Variants in PGM5 observed in about 807,000 individuals in gnomAD.
PGM5 encodes the protein phosphoglucomutase 5.
In PGM5, 23 loss-of-function variants were observed where a neutral mutation model predicts 59.2. That is an observed-to-expected ratio of 0.39 (90% CI 0.28 to 0.55). The LOEUF is 0.55. Among genes scored for constraint, PGM5 ranks in the 20% least tolerant of loss-of-function variants. The pLI is 0.66. For missense variants in PGM5, 574 were observed against 748.3 expected, an observed-to-expected ratio of 0.77 and a Z score of 2.72; for synonymous variants, 214 against 286.0, an observed-to-expected ratio of 0.75 and a Z score of 2.54.
chr9:68,402,006 T>C (rs1822685182), intron 6 of PGM5, among the ~76,000 whole-genome samples: 1 of 152,072 alleles, frequency 6.6e-6, no homozygotes, highest in Admixed American at 6.6e-5. Context: ...CTCACGCCTG[T>C]AATCCCAGCA....
intron 6 of PGM5, among the ~76,000 whole-genome samples, chr9:68,460,964 C>G (rs782087131): frequency 6.6e-6 from 1 of 152,154 alleles, no homozygotes; most frequent in South Asian, 2.1e-4. Context: ...AGCTCCGCAG[C>G]AGGAAGGGTC....
chr9:68,494,897 G>T (rs1824457973), intron 9 of PGM5, among the ~76,000 whole-genome samples: 3 of 152,220 alleles, frequency 2.0e-5, no homozygotes, highest in Admixed American at 1.3e-4. Flanking sequence ...CATGTAGCCT[G>T]TGGATCCTTG....
chr9:68,510,379 C>T (rs1824730084), intron 10 of PGM5, among the ~76,000 whole-genome samples: 1 of 151,964 alleles, frequency 6.6e-6, no homozygotes, highest in African/African-American at 2.4e-5. Flanking sequence ...TCTCGATCTC[C>T]TGACCTCGTG....
chr9:68,437,348 C>G lies in PGM5; in HGVS notation c.1044-27745C>G, dbSNP rs1447182579. On this transcript the variant is annotated intron_variant, in intron 6 of 10. Coordinates refer to ENST00000396396, the MANE Select transcript of PGM5 (RefSeq NM_021965.4). The surrounding 1 kb of genome is among the most constrained non-coding windows in gnomAD (Gnocchi z 4.1). The stretch of plus-strand genomic sequence containing the variant: ...TAGTGGAGAAAAGGAAGCTTGGCAA[C>G]TTTCGTGAAATGGTGTGCCTTAAAG... 7.2e-5 allele frequency among the ~76,000 whole-genome samples: 11 copies of G among 152,194 alleles called. 1 individual carries two copies. The highest frequency in any genetic ancestry group is 7.2e-4 in the Admixed American group (11 of 15,284).
At chr9:68,404,792 A>G (rs1424143319) in intron 6 of PGM5, among the ~76,000 whole-genome samples, 1 of 152,192 alleles carries the variant, frequency 6.6e-6, no homozygotes, top group Non-Finnish European at 1.5e-5. Context: ...ATCCACCAGG[A>G]CTCACAGAGA....
chr9:68,376,876 T>C (rs540037087), intron 1 of PGM5, among the ~76,000 whole-genome samples: 5,516 of 126,248 alleles, frequency 0.044, 553 homozygotes, highest in African/African-American at 0.078. Context: ...TTCTTTCTCT[T>C]TCTTTCTTTT....
chr9:68,364,237 A>G (rs1554676496), intron 1 of PGM5, among the ~76,000 whole-genome samples: 1 of 151,844 alleles, frequency 6.6e-6, no homozygotes, highest in Non-Finnish European at 1.5e-5. Flanking sequence ...AGTGTCCTCC[A>G]GATAGATGTT....
chr9:68,449,733 C>G (rs886175410), intron 6 of PGM5, among the ~76,000 whole-genome samples: 25 of 152,224 alleles, frequency 1.6e-4, no homozygotes, highest in Admixed American at 1.2e-3. Context: ...CCAGGTTTGT[C>G]TACCCAAGGA....
intron 6 of PGM5, among the ~76,000 whole-genome samples, chr9:68,463,464 A>G (rs1014739580): frequency 6.6e-6 from 1 of 152,102 alleles, no homozygotes; most frequent in Non-Finnish European, 1.5e-5. Context: ...TTTGAGATCT[A>G]CATCCTTCAT....
chr9:68,529,800 G>C lies in PGM5; in HGVS notation c.*144G>C. ...CTTTTGGGGGATAGAGGGTGGGTGG[G>C]AAAAGAAAAAAAATCCATTTGGTTT... On this transcript the variant is annotated 3_prime_UTR_variant, in exon 11 of 11. Transcript: ENST00000396396. The C allele has an allele frequency of 6.5e-5, 20 of 308,540 alleles. No homozygotes were observed. The highest frequency in any genetic ancestry group is 6.1e-4 in the East Asian group (5 of 8,136). The allele number at this position is 308,540 out of a possible 1,614,324, so 19.1% of individuals were successfully genotyped here.
At chr9:68,411,170 C>T (rs1822922913) in intron 6 of PGM5, among the ~76,000 whole-genome samples, 1 of 152,006 alleles carries the variant, frequency 6.6e-6, no homozygotes, top group Admixed American at 6.6e-5. Context: ...AGTCATGATT[C>T]TCTTAATATG....
At position 68,357,019 on chromosome 9, in the gene PGM5, C is replaced by T. The variant is rs1430191258; in HGVS notation, c.-109C>T. 2.5e-6 allele frequency: 3 copies of T among 1,187,880 alleles called. No homozygotes were observed. Among genetic ancestry groups the T allele is most frequent in the Non-Finnish European group, 3.3e-6 (3 of 902,920 alleles). The allele number at this position is 1,187,880 out of a possible 1,614,324, so 73.6% of individuals were successfully genotyped here. A position where few individuals can be genotyped will look rare whatever the true frequency, so the allele number is the denominator to read the frequency against. The stretch of plus-strand genomic sequence containing the variant: ...GGCGCCGACCTGCTGGAGAGGGGGC[C>T]CGGGCGCGAGGCGGAGTCCCGGCGC... On this transcript the variant is annotated 5_prime_UTR_variant, in exon 1 of 11. Coordinates refer to ENST00000396396, the MANE Select transcript of PGM5 (RefSeq NM_021965.4).
intron 10 of PGM5, among the ~76,000 whole-genome samples, chr9:68,523,395 G>A (rs1231595544): frequency 1.3e-5 from 2 of 152,170 alleles, no homozygotes; most frequent in Non-Finnish European, 2.9e-5. Context: ...GATGAGGGGT[G>A]CTGCAGTCTC....
intron 10 of PGM5, among the ~76,000 whole-genome samples, chr9:68,502,267 A>G (rs2132107377): frequency 6.6e-6 from 1 of 152,260 alleles, no homozygotes; most frequent in East Asian, 1.9e-4. Context: ...TTTACCAGCA[A>G]TCAGTAGGCC....
intron 2 of PGM5, 131 bp downstream of exon 2, chr9:68,378,492 C>T (rs1554678040): frequency 1.4e-5 from 16 of 1,179,926 alleles, no homozygotes; most frequent in Non-Finnish European, 4.7e-6. Flanking sequence ...CAGTGAGGTG[C>T]CCAAAGAGAT....
At chr9:68,459,464 C>A (rs146054019) in intron 6 of PGM5, among the ~76,000 whole-genome samples, 74 of 152,202 alleles carry the variant, frequency 4.9e-4, no homozygotes, top group Middle Eastern at 6.8e-3. Context: ...AGTGTATATT[C>A]CTCTGGGTCT....
intron 8 of PGM5, 78 bp from the exon 9 acceptor site, chr9:68,483,787 A>G (rs1824239304): frequency 2.3e-6 from 3 of 1,313,490 alleles, no homozygotes; most frequent in Non-Finnish European, 2.2e-6. Context: ...AACAGAACCA[A>G]TGATTAAATA....
At chr9:68,358,699 A>G (rs1834516942) in intron 1 of PGM5, among the ~76,000 whole-genome samples, 1 of 151,980 alleles carries the variant, frequency 6.6e-6, no homozygotes, top group Non-Finnish European at 1.5e-5. Flanking sequence ...CATGCTTCAT[A>G]TTTATCTACT....
intron 1 of PGM5, among the ~76,000 whole-genome samples, chr9:68,377,942 A>G (rs1821964433): frequency 6.6e-6 from 1 of 152,232 alleles, no homozygotes; most frequent in South Asian, 2.1e-4. Context: ...GTTTCAAACT[A>G]CTGAAGATCA....
Sources: allele counts gnomAD v4.1 joint callset (sites outside exome capture counted in the v4.1 genomes callset), GRCh38; gene constraint gnomAD v4.1.1; non-coding constraint Gnocchi (gnomAD v3.1); transcripts MANE v1.5; gene names NCBI Gene and HGNC (gene_info 2026-07-23, HGNC 2026-07-21).